The following TRPM3 variants were observed in gnomAD, a reference collection of about 807,000 sequenced individuals.
The protein encoded by TRPM3 is transient receptor potential cation channel subfamily M member 3.
Under a neutral mutation model 181.2 loss-of-function variants are expected in TRPM3, and 77 were observed. That is an observed-to-expected ratio of 0.42 (90% CI 0.35 to 0.51). TRPM3 has a LOEUF of 0.51. TRPM3 is among the 20% of genes least tolerant of loss of function. TRPM3 has a pLI of 0.01. For synonymous variants in TRPM3, 745 were observed against 796.4 expected, an observed-to-expected ratio of 0.94 and a Z score of 1.09; for missense variants, 1,759 against 2,196.7, an observed-to-expected ratio of 0.80 and a Z score of 3.98.
intron 1 of TRPM3, among the ~76,000 whole-genome samples, chr9:70,940,091 G>A (rs552704706): frequency 1.3e-5 from 2 of 152,230 alleles, no homozygotes; most frequent in Admixed American, 6.5e-5. Context: ...TTCCTTATAA[G>A]GAGCTTTTTA....
chr9:71,227,651 A>G (rs2080770999), intron 1 of TRPM3, among the ~76,000 whole-genome samples: 1 of 152,140 alleles, frequency 6.6e-6, no homozygotes, highest in Non-Finnish European at 1.5e-5. Context: ...TGAAAAAAAG[A>G]GACATTAGAA....
chr9:70,795,398 A>G (rs1179483593), intron 6 of TRPM3, among the ~76,000 whole-genome samples: 1 of 152,258 alleles, frequency 6.6e-6, no homozygotes. Context: ...TCTCGTTTGA[A>G]TGTATAAATG....
In TRPM3 at chr9:70,536,749, C is replaced by T. The variant is rs1564194821; in HGVS notation, c.4364G>A (p.Ser1455Asn). ...TGTGGGTGCAAGTGTTGCATAGGCA[C>T]TACTTGAAGGGGCTGTGGAAGGTAC... ...TPVPSTAPSS[S>N]AYATLAPTDR... Residue 1455 changes from serine (S) to asparagine (N), a missense_variant, in exon 26 of 26, where the codon AGT (serine) becomes AAT (asparagine). Physicochemically the swap from Ser to Asn is conservative, Grantham distance 46 (BLOSUM62 1). Coordinates refer to ENST00000677713, the MANE Select transcript of TRPM3 (RefSeq NM_001366145.2). 6.2e-7 allele frequency: 1 copy of T among 1,614,148 alleles called. No homozygotes were observed. The highest frequency in any genetic ancestry group is 8.5e-7 in the Non-Finnish European group (1 of 1,180,036).
At position 70,975,294 on chromosome 9, in the gene TRPM3, C is replaced by T. The variant is rs373535278; in HGVS notation, c.178-110783G>A. 3.3e-5 allele frequency among the ~76,000 whole-genome samples: 5 copies of T among 152,198 alleles called. No individual in the cohort carries two copies. The South Asian group carries it at 1.0e-3, about 32-fold the overall frequency. ...TCTTTAAGAGTAAAAAAATAAAAGG[C>T]TAATATAGGATTCTTCAAAGGAAAA... On this transcript the variant is annotated intron_variant, in intron 1 of 25. Coordinates refer to ENST00000677713, the MANE Select transcript of TRPM3 (RefSeq NM_001366145.2).
At chr9:71,180,749 T>A (rs1431431257) in intron 1 of TRPM3, among the ~76,000 whole-genome samples, 1 of 152,172 alleles carries the variant, frequency 6.6e-6, no homozygotes, top group Non-Finnish European at 1.5e-5. Context: ...TTTCTCTTTG[T>A]ATAAATCTTT....
chr9:71,263,271 G>A (rs2083183575), intron 1 of TRPM3, among the ~76,000 whole-genome samples: 1 of 152,064 alleles, frequency 6.6e-6, no homozygotes, highest in African/African-American at 2.4e-5. Context: ...CGTTTAACAT[G>A]TCTAAAATGT....
At position 70,849,774 on chromosome 9, in the gene TRPM3, C is replaced by T. The variant is rs115579375; in HGVS notation, c.463-3183G>A. 1.0e-2 allele frequency among the ~76,000 whole-genome samples: 1,506 copies of T among 150,678 alleles called. 30 individuals carry two copies. Among genetic ancestry groups the T allele is most frequent in the African/African-American group, 0.035 (1,439 of 40,972 alleles). On this transcript the variant is annotated intron_variant, in intron 3 of 25. Transcript: ENST00000677713. ...CATAACCACAAAATGAATATGCCTGCATGTAATCATACAAACATATGCTTT... is the reference window on the plus strand; with the variant it reads ...CATAACCACAAAATGAATATGCCTGTATGTAATCATACAAACATATGCTTT...
intron 1 of TRPM3, among the ~76,000 whole-genome samples, chr9:70,931,673 T>G (rs1473975242): frequency 6.6e-6 from 1 of 152,104 alleles, no homozygotes; most frequent in African/African-American, 2.4e-5. Context: ...TGGAGAGAGA[T>G]ATTTTCCCCA....
In TRPM3 at chr9:70,976,908, G is replaced by A. The variant is rs576365247; in HGVS notation, c.178-112397C>T. 7.7e-4 allele frequency among the ~76,000 whole-genome samples: 117 copies of A among 152,234 alleles called. No individual in the cohort carries two copies. In the Middle Eastern group the frequency reaches 0.014, roughly 18 times the overall value. ...CAGGTGCTGCCACTGATGGACAGTG[G>A]GCAGGTTTCTGAATGACCCCTTCGA... On this transcript the variant is annotated intron_variant, in intron 1 of 25. Transcript: ENST00000677713.
chr9:71,413,314 G>C (rs534407478), intron 1 of TRPM3, among the ~76,000 whole-genome samples: 1 of 151,956 alleles, frequency 6.6e-6, no homozygotes. Context: ...AGTCCTAAGT[G>C]CTTTATATAC....
At chr9:71,351,167 G>T (rs944968806) in intron 1 of TRPM3, among the ~76,000 whole-genome samples, 1 of 152,160 alleles carries the variant, frequency 6.6e-6, no homozygotes, top group Non-Finnish European at 1.5e-5. Context: ...TTGTCAATTT[G>T]TTTGGCCCTG....
intron 1 of TRPM3, among the ~76,000 whole-genome samples, chr9:71,192,659 C>T (rs566930880): frequency 2.0e-5 from 3 of 151,916 alleles, no homozygotes; most frequent in African/African-American, 7.2e-5. Flanking sequence ...ATATTAACCC[C>T]TTATCAGATA....
At chr9:70,538,542 G>A (rs917608631) in intron 25 of TRPM3, among the ~76,000 whole-genome samples, 1 of 152,040 alleles carries the variant, frequency 6.6e-6, no homozygotes, top group African/African-American at 2.4e-5. Context: ...GATCCTCCTG[G>A]CTCAGCCTCT....
intron 1 of TRPM3, among the ~76,000 whole-genome samples, chr9:70,977,353 C>T (rs2133983621): frequency 6.6e-6 from 1 of 152,320 alleles, no homozygotes; most frequent in African/African-American, 2.4e-5. Flanking sequence ...CCAGGATGGG[C>T]TCCATCTCCT....
intron 1 of TRPM3, among the ~76,000 whole-genome samples, chr9:71,318,225 G>A (rs2088838741): frequency 6.6e-6 from 1 of 152,082 alleles, no homozygotes; most frequent in African/African-American, 2.4e-5. Context: ...CAAAATCAGG[G>A]GTTTTAAAAT....
chr9:71,336,763 C>A (rs2090584824), intron 1 of TRPM3, among the ~76,000 whole-genome samples: 1 of 152,066 alleles, frequency 6.6e-6, no homozygotes, highest in Non-Finnish European at 1.5e-5. Flanking sequence ...AGATATAGAC[C>A]AATGGAACAG....
chr9:70,547,057 G>A (rs985526669), intron 25 of TRPM3, among the ~76,000 whole-genome samples: 3 of 152,148 alleles, frequency 2.0e-5, no homozygotes, highest in Non-Finnish European at 2.9e-5. Context: ...AATAACTTGT[G>A]TTTTAGGGCA....
At chr9:70,980,370 A>AAGAG (rs150201490) in intron 1 of TRPM3, among the ~76,000 whole-genome samples, 2,442 of 148,336 alleles carry the variant, frequency 0.016, 69 homozygotes, top group African/African-American at 0.056. Context: ...AGAAGGGGGA[A>AAGAG]AGAGAGAGAG....
At chr9:70,699,275 G>T (rs1166309532) in intron 8 of TRPM3, among the ~76,000 whole-genome samples, 3 of 152,190 alleles carry the variant, frequency 2.0e-5, no homozygotes, top group African/African-American at 7.2e-5. Flanking sequence ...TTCTGGCTGG[G>T]ATGACACAGT....
Sources: allele counts gnomAD v4.1 joint callset (sites outside exome capture counted in the v4.1 genomes callset), GRCh38; gene constraint gnomAD v4.1.1; transcripts MANE v1.5; gene names NCBI Gene and HGNC (gene_info 2026-07-23, HGNC 2026-07-21).